GLG1: variants seen among roughly 807,000 people sequenced by gnomAD.
GLG1 encodes golgi glycoprotein 1.
In GLG1, 38 loss-of-function variants were observed where a neutral mutation model predicts 160.5. The ratio of observed to expected loss-of-function variants is 0.24; its 90% CI spans 0.18 to 0.31. GLG1 has a LOEUF of 0.31. Among genes scored for constraint, GLG1 ranks in the 10% least tolerant of loss-of-function variants. The pLI is 1.00. For synonymous variants in GLG1, 644 were observed against 543.4 expected (o/e 1.19, Z -2.57); for missense variants, 1,373 against 1,505.2 (o/e 0.91, Z 1.45).
chr16:74,536,213 T>C (rs915565052), intron 1 of GLG1, among the ~76,000 whole-genome samples: 3 of 152,172 alleles, frequency 2.0e-5, no homozygotes, highest in African/African-American at 7.2e-5. Context: ...TCATCAGATA[T>C]AGTACATCTA....
At chr16:74,606,621 AGGCCTGG>A in intron 1 of GLG1, 29 bp downstream of exon 1, 1 of 1,512,242 alleles carries the variant, frequency 6.6e-7, no homozygotes, top group South Asian at 1.3e-5. Flanking sequence ...GGCCCGCACC[AGGCCTGG>A]CCCTCCCGGC....
At chr16:74,529,654 G>A (rs1447747902) in intron 2 of GLG1, among the ~76,000 whole-genome samples, 1 of 151,642 alleles carries the variant, frequency 6.6e-6, no homozygotes, top group Non-Finnish European at 1.5e-5. Context: ...ATTATGAATG[G>A]CTATATTATA....
At chr16:74,581,981 T>C (rs1291236680) in intron 1 of GLG1, among the ~76,000 whole-genome samples, 1 of 152,166 alleles carries the variant, frequency 6.6e-6, no homozygotes, top group African/African-American at 2.4e-5. Context: ...CACATTGGCT[T>C]GAACCCTCTC....
chr16:74,470,141 C>A lies in GLG1; in HGVS notation c.2230-68G>T, dbSNP rs932303380. The A allele has an allele frequency of 2.2e-6, 2 of 896,816 alleles. 1 individual carries two copies. Among genetic ancestry groups the A allele is most frequent in the South Asian group, 2.6e-5 (2 of 76,716 alleles). The allele number at this position is 896,816 out of a possible 1,614,324, so 55.6% of individuals were successfully genotyped here. A position where few individuals can be genotyped will look rare whatever the true frequency, so the allele number is the denominator to read the frequency against. ...TTGTGGTCAGTAGTGGTAGGGCGCACTTTTTCATATAGCTCTCACAAGCCT... is the reference window on the plus strand; with the variant it reads ...TTGTGGTCAGTAGTGGTAGGGCGCAATTTTTCATATAGCTCTCACAAGCCT... On this transcript the variant is annotated intron_variant, in intron 15 of 25. Transcript: ENST00000422840.
At chr16:74,502,324 C>T (rs936921138) in intron 4 of GLG1, among the ~76,000 whole-genome samples, 4 of 152,030 alleles carry the variant, frequency 2.6e-5, no homozygotes, top group African/African-American at 9.7e-5. Context: ...GTTCAGCAGA[C>T]TAAGTCAAAA....
chr16:74,541,615 G>T (rs2017869772), intron 1 of GLG1, among the ~76,000 whole-genome samples: 1 of 152,156 alleles, frequency 6.6e-6, no homozygotes, highest in Non-Finnish European at 1.5e-5. Flanking sequence ...TATGTAGAAG[G>T]CCTTCAAATA....
At chr16:74,563,725 T>G (rs1439295121) in intron 1 of GLG1, among the ~76,000 whole-genome samples, 1 of 128,362 alleles carries the variant, frequency 7.8e-6, no homozygotes, top group Non-Finnish European at 1.7e-5. Context: ...AGACCCTGTC[T>G]CAAAAAAAAA....
intron 10 of GLG1, among the ~76,000 whole-genome samples, chr16:74,481,695 C>G (rs891954018): frequency 6.6e-6 from 1 of 152,156 alleles, no homozygotes; most frequent in African/African-American, 2.4e-5. Flanking sequence ...AACACATGCA[C>G]ACACACACGT....
At chr16:74,599,248 G>A (rs1025198539) in intron 1 of GLG1, among the ~76,000 whole-genome samples, 1 of 152,058 alleles carries the variant, frequency 6.6e-6, no homozygotes, top group Admixed American at 6.6e-5. Flanking sequence ...GTGAATATAC[G>A]ACCCTTCATG....
intron 8 of GLG1, among the ~76,000 whole-genome samples, chr16:74,489,776 C>A (rs1296747114): frequency 6.6e-6 from 1 of 152,220 alleles, no homozygotes; most frequent in African/African-American, 2.4e-5. Flanking sequence ...CGTGCGCACA[C>A]ACACACACAG....
At chr16:74,455,644 G>A (rs929063364) in intron 25 of GLG1, among the ~76,000 whole-genome samples, 6 of 152,092 alleles carry the variant, frequency 3.9e-5, no homozygotes, top group Admixed American at 2.6e-4. Flanking sequence ...CCCTTGACTT[G>A]GAAGTAAAAG....
intron 1 of GLG1, among the ~76,000 whole-genome samples, chr16:74,580,992 A>G (rs1270559729): frequency 6.6e-6 from 1 of 152,202 alleles, no homozygotes; most frequent in Non-Finnish European, 1.5e-5. Context: ...CAAACAGAAA[A>G]TAAGTGTTGG....
intron 1 of GLG1, among the ~76,000 whole-genome samples, chr16:74,565,978 G>A (rs1472808307): frequency 6.6e-6 from 1 of 152,150 alleles, no homozygotes; most frequent in Non-Finnish European, 1.5e-5. Flanking sequence ...TGACTGTTTT[G>A]AGGAAACCTC....
intron 16 of GLG1, chr16:74,469,325 C>G (rs745672968): frequency 3.0e-5 from 15 of 496,610 alleles, no homozygotes; most frequent in Middle Eastern, 5.4e-4. Context: ...TGTGCAACGA[C>G]AGTTCAACAT....
chr16:74,560,326 CTT>C (rs66983409), intron 1 of GLG1, among the ~76,000 whole-genome samples: 8 of 118,398 alleles, frequency 6.8e-5, no homozygotes, highest in Non-Finnish European at 5.1e-5. Flanking sequence ...CAGTTTTTGT[CTT>C]TTTTTTTTTT....
At chr16:74,566,779 T>C (rs1365481790) in intron 1 of GLG1, among the ~76,000 whole-genome samples, 1 of 152,178 alleles carries the variant, frequency 6.6e-6, no homozygotes, top group Non-Finnish European at 1.5e-5. Flanking sequence ...AGAAAGTGCA[T>C]AATAAATATC....
At chr16:74,570,224 A>C in intron 1 of GLG1, among the ~76,000 whole-genome samples, 1 of 152,098 alleles carries the variant, frequency 6.6e-6, no homozygotes, top group East Asian at 1.9e-4. Context: ...TTGTACACAC[A>C]CCTGACTTCA....
chr16:74,586,631 C>A (rs546067131), intron 1 of GLG1, among the ~76,000 whole-genome samples: 2 of 152,040 alleles, frequency 1.3e-5, no homozygotes, highest in Non-Finnish European at 2.9e-5. Flanking sequence ...CCTGCCACCA[C>A]GCCTGGCTAA....
intron 1 of GLG1, among the ~76,000 whole-genome samples, chr16:74,546,549 T>C (rs1271460657): frequency 6.6e-6 from 1 of 151,874 alleles, no homozygotes; most frequent in East Asian, 1.9e-4. Flanking sequence ...GAAGGATCCC[T>C]GACTAGGCCA....
Sources: allele counts gnomAD v4.1 joint callset (sites outside exome capture counted in the v4.1 genomes callset), GRCh38; gene constraint gnomAD v4.1.1; transcripts MANE v1.5; gene names NCBI Gene and HGNC (gene_info 2026-07-23, HGNC 2026-07-21).